Variants in CDK6 observed in about 807,000 individuals in gnomAD.
CDK6 encodes cyclin-dependent kinase 6.
Under a neutral mutation model 37.1 loss-of-function variants are expected in CDK6, and 6 were observed. That is an observed-to-expected ratio of 0.16 (90% CI 0.09 to 0.32). The LOEUF is 0.32. CDK6 is among the 10% of genes least tolerant of loss of function. The pLI, the probability that CDK6 is intolerant of heterozygous loss-of-function variation, is 1.00. For synonymous variants in CDK6, 160 were observed against 161.3 expected, an observed-to-expected ratio of 0.99 and a Z score of 0.06; for missense variants, 224 against 418.9, an observed-to-expected ratio of 0.53 and a Z score of 4.06.
chr7:92,742,244 G>A (rs1798941426), intron 3 of CDK6, among the ~76,000 whole-genome samples: 1 of 152,206 alleles, frequency 6.6e-6, no homozygotes, highest in African/African-American at 2.4e-5. Context: ...AATACCCTAA[G>A]TAAGAAGTTT....
intron 3 of CDK6, among the ~76,000 whole-genome samples, chr7:92,749,287 C>T (rs369322263): frequency 9.2e-4 from 140 of 151,354 alleles, no homozygotes; most frequent in African/African-American, 3.3e-3. Context: ...TTAGCCTGGG[C>T]AACATAGCGA....
At chr7:92,616,723 C>T (rs1241921022) in intron 7 of CDK6, among the ~76,000 whole-genome samples, 1 of 152,182 alleles carries the variant, frequency 6.6e-6, no homozygotes, top group Non-Finnish European at 1.5e-5. Context: ...AATACATTCA[C>T]AATACAGAGA....
At chr7:92,827,099 A>G (rs1354045686) in intron 2 of CDK6, among the ~76,000 whole-genome samples, 3 of 152,190 alleles carry the variant, frequency 2.0e-5, no homozygotes, top group Non-Finnish European at 2.9e-5. Flanking sequence ...AATGCATACA[A>G]TCACAGAATA....
At position 92,681,814 on chromosome 7, in the gene CDK6, G is replaced by C. The variant is rs144608050; in HGVS notation, c.538-10279C>G. 3.2e-3 allele frequency among the ~76,000 whole-genome samples: 493 copies of C among 152,180 alleles called. 1 individual carries two copies. Among genetic ancestry groups the C allele is most frequent in the African/African-American group, 0.011 (468 of 41,514 alleles). Reference sequence around the variant, plus strand: ...TTACATGAAGCACAATCCTTGTGGAGCACTCCATGTGCCTGTCCCCACCCC... The same window carrying C: ...TTACATGAAGCACAATCCTTGTGGACCACTCCATGTGCCTGTCCCCACCCC... On this transcript the variant is annotated intron_variant, in intron 4 of 7. Coordinates refer to ENST00000424848, the MANE Select transcript of CDK6 (RefSeq NM_001145306.2).
At chr7:92,710,757 T>C (rs992656514) in intron 4 of CDK6, 8 of 985,162 alleles carry the variant, frequency 8.1e-6, no homozygotes, top group Non-Finnish European at 8.4e-6. Flanking sequence ...TCTACTGCCA[T>C]GGAACACCAG....
intron 2 of CDK6, among the ~76,000 whole-genome samples, chr7:92,815,541 T>A (rs968694832): frequency 1.3e-5 from 2 of 152,266 alleles, no homozygotes; most frequent in East Asian, 3.9e-4. Context: ...AGGACTGTGA[T>A]CCCTGAGAGA....
At chr7:92,627,725 A>G (rs1182167326) in intron 5 of CDK6, among the ~76,000 whole-genome samples, 1 of 151,914 alleles carries the variant, frequency 6.6e-6, no homozygotes, top group African/African-American at 2.4e-5. Context: ...TAGTGGTACA[A>G]CTCTGTGAAT....
chr7:92,696,790 T>C (rs1797726919), intron 4 of CDK6, among the ~76,000 whole-genome samples: 1 of 152,216 alleles, frequency 6.6e-6, no homozygotes, highest in African/African-American at 2.4e-5. Flanking sequence ...AATTGTGCAA[T>C]TCTAATATTC....
chr7:92,695,307 A>C (rs1340070068), intron 4 of CDK6, among the ~76,000 whole-genome samples: 1 of 152,046 alleles, frequency 6.6e-6, no homozygotes, highest in Admixed American at 6.5e-5. Context: ...AGAAAGAAAA[A>C]AACCAACAAA....
At position 92,833,468 on chromosome 7, in the gene CDK6, G is replaced by C; in HGVS notation, c.-145C>G. 1 of 603,696 alleles carries C rather than the reference G, an allele frequency of 1.7e-6. No homozygotes were observed. The allele number at this position is 603,696 out of a possible 1,614,324, so 37.4% of individuals were successfully genotyped here. A position where few individuals can be genotyped will look rare whatever the true frequency, so the allele number is the denominator to read the frequency against. On this transcript the variant is annotated 5_prime_UTR_variant, in exon 2 of 8. Coordinates refer to ENST00000424848, the MANE Select transcript of CDK6 (RefSeq NM_001145306.2). The surrounding 1 kb of genome is among the most constrained non-coding windows in gnomAD (Gnocchi z 6.1). ...TCCCCGCCGGCTCAGGCGCTCGGGC[G>C]CTGGGGCTTTCGCCGCTGCAGAAGC...
chr7:92,703,523 G>C (rs1421709314), intron 4 of CDK6, among the ~76,000 whole-genome samples: 1 of 152,138 alleles, frequency 6.6e-6, no homozygotes, highest in Non-Finnish European at 1.5e-5. Flanking sequence ...CTATGGTTAA[G>C]TAAAGCACAA....
chr7:92,629,805 T>C (rs1796012826), intron 5 of CDK6, among the ~76,000 whole-genome samples: 1 of 152,100 alleles, frequency 6.6e-6, no homozygotes, highest in African/African-American at 2.4e-5. Context: ...TGTGGTTCTG[T>C]AGGGTGGAAA....
intron 2 of CDK6, among the ~76,000 whole-genome samples, chr7:92,831,037 C>A (rs1801465432): frequency 6.6e-6 from 1 of 152,232 alleles, no homozygotes. Flanking sequence ...CATACGCCAT[C>A]TCATTTTATT....
At chr7:92,766,505 A>T (rs1368281933) in intron 3 of CDK6, among the ~76,000 whole-genome samples, 4 of 152,178 alleles carry the variant, frequency 2.6e-5, no homozygotes, top group African/African-American at 4.8e-5. Flanking sequence ...CATGTGGGAG[A>T]CGTCAGGCTG....
At position 92,607,150 on chromosome 7, in the gene CDK6, A is replaced by C. The variant is rs1284383765; in HGVS notation, c.*7990T>G. 8.6e-6 allele frequency: 2 copies of C among 233,530 alleles called. No homozygotes were observed. The highest frequency in any genetic ancestry group is 1.7e-5 in the Non-Finnish European group (2 of 118,032). 14.5% of individuals were successfully genotyped at this position (233,530 alleles called of 1,614,324 possible). ...CACAAGCTGACAGTTCTGCTTCTAC[A>C]GAAAAACTCTCACACTGCTCTCCTC... On this transcript the variant is annotated 3_prime_UTR_variant, in exon 8 of 8. Transcript: ENST00000424848.
At chr7:92,761,295 C>A (rs1799451299) in intron 3 of CDK6, among the ~76,000 whole-genome samples, 1 of 152,054 alleles carries the variant, frequency 6.6e-6, no homozygotes, top group African/African-American at 2.4e-5. Context: ...TAGCTCTCTC[C>A]TACACACATA....
intron 5 of CDK6, among the ~76,000 whole-genome samples, chr7:92,642,895 ATTTT>A (rs546349753): frequency 2.1e-5 from 3 of 142,538 alleles, no homozygotes; most frequent in African/African-American, 2.6e-5. Flanking sequence ...TGAAAAAAGA[ATTTT>A]TTTTTTTTTT....
intron 3 of CDK6, among the ~76,000 whole-genome samples, chr7:92,751,630 A>G (rs1799190253): frequency 6.6e-6 from 1 of 152,216 alleles, no homozygotes; most frequent in Admixed American, 6.5e-5. Flanking sequence ...TAAAGCACAC[A>G]GTATGTATTC....
chr7:92,806,849 T>C (rs1800737785), intron 2 of CDK6, among the ~76,000 whole-genome samples: 2 of 152,182 alleles, frequency 1.3e-5, no homozygotes, highest in South Asian at 2.1e-4. Flanking sequence ...AACTGTTTTA[T>C]CCATATTTTT....
Sources: allele counts gnomAD v4.1 joint callset (sites outside exome capture counted in the v4.1 genomes callset), GRCh38; gene constraint gnomAD v4.1.1; non-coding constraint Gnocchi (gnomAD v3.1); transcripts MANE v1.5; gene names NCBI Gene and HGNC (gene_info 2026-07-23, HGNC 2026-07-21).